The following BLTP1 variants were observed in gnomAD, a reference collection of about 807,000 sequenced individuals.
BLTP1 encodes the protein fragile site-associated protein.
the BLTP1 span, chr4:122,227,015 A>T: frequency 1.8e-6 from 1 of 561,484 alleles, no homozygotes; most frequent in Non-Finnish European, 2.7e-6. Context: ...AAAATATGAG[A>T]TAATTATTAA....
chr4:122,190,561 A>G, the BLTP1 span: 25 of 684,016 alleles, frequency 3.7e-5, no homozygotes, highest in Non-Finnish European at 4.5e-5. Flanking sequence ...CAAAACTTGA[A>G]TATTAGTTTA....
the BLTP1 span, chr4:122,180,130 C>A: frequency 2.0e-6 from 2 of 985,008 alleles, no homozygotes; most frequent in Non-Finnish European, 2.4e-6. Context: ...TCTTCAGGAA[C>A]TGGACAAAGG....
chr4:122,343,818 C>A, the BLTP1 span: 1 of 499,528 alleles, frequency 2.0e-6, no homozygotes, highest in Non-Finnish European at 2.6e-6. Context: ...TTTTAAAATT[C>A]AGAATATTTT....
chr4:122,309,484 A>G, the BLTP1 span: 5 of 1,606,580 alleles, frequency 3.1e-6, no homozygotes, highest in East Asian at 2.2e-5. Context: ...TTTTATTTCT[A>G]TATACAGTTT....
the BLTP1 span, chr4:122,277,730 A>G: frequency 1.0e-6 from 1 of 983,078 alleles, no homozygotes; most frequent in Non-Finnish European, 1.2e-6. Context: ...CCTCCTTCCT[A>G]TCAATTTCTT....
At chr4:122,153,096 C>A in the BLTP1 span, 1 of 927,064 alleles carries the variant, frequency 1.1e-6, no homozygotes, top group Non-Finnish European at 1.3e-6. Context: ...AGCAGAATTT[C>A]CTATTGGTCA....
chr4:122,216,985 G>A, the BLTP1 span, among the ~76,000 whole-genome samples: 1 of 152,096 alleles, frequency 6.6e-6, no homozygotes, highest in African/African-American at 2.4e-5. Flanking sequence ...CTTGTGGCTT[G>A]CCAGTTATCC....
the BLTP1 span, among the ~76,000 whole-genome samples, chr4:122,202,758 T>C: frequency 1.4e-4 from 21 of 152,084 alleles, no homozygotes; most frequent in Admixed American, 1.2e-3. Flanking sequence ...AGCACTTTCA[T>C]TTACACTATT....
At chr4:122,293,269 C>T in the BLTP1 span, 1 of 646,440 alleles carries the variant, frequency 1.5e-6, no homozygotes, top group Non-Finnish European at 1.9e-6. Flanking sequence ...TAGTCCAGGA[C>T]TCTCACACAG....
At chr4:122,201,037 TATGGAAC>T in the BLTP1 span, 1 of 1,613,370 alleles carries the variant, frequency 6.2e-7, no homozygotes, top group Non-Finnish European at 8.5e-7. Flanking sequence ...TACCCCCGAA[TATGGAAC>T]ATGCCGCAGA....
chr4:122,194,974 G>T, the BLTP1 span, among the ~76,000 whole-genome samples: 7 of 152,014 alleles, frequency 4.6e-5, no homozygotes, highest in South Asian at 1.5e-3. Context: ...AGCAATATTT[G>T]TCTCCTCAAT....
At chr4:122,284,993 T>A in the BLTP1 span, among the ~76,000 whole-genome samples, 7 of 152,198 alleles carry the variant, frequency 4.6e-5, no homozygotes, top group Admixed American at 4.6e-4. Context: ...TAGAACTTTC[T>A]ATTACCAGAA....
chr4:122,354,133 T>C, the BLTP1 span: 1 of 898,924 alleles, frequency 1.1e-6, no homozygotes, highest in Non-Finnish European at 1.7e-6. Context: ...CAATTTTCAT[T>C]TTAATCTTGC....
At chr4:122,269,062 C>A in the BLTP1 span, 5 of 949,222 alleles carry the variant, frequency 5.3e-6, no homozygotes, top group Non-Finnish European at 6.3e-6. Flanking sequence ...AAATCCAGAC[C>A]CAAAACATTA....
chr4:122,359,362 T>C, the BLTP1 span: 4 of 929,712 alleles, frequency 4.3e-6, no homozygotes, highest in South Asian at 5.0e-5. Flanking sequence ...TTATCATTAA[T>C]GTTGACACTG....
the BLTP1 span, chr4:122,190,564 T>A: frequency 1.5e-6 from 1 of 674,854 alleles, no homozygotes; most frequent in South Asian, 6.7e-5. Flanking sequence ...AACTTGAATA[T>A]TAGTTTAGTA....
At chr4:122,154,868 T>C in the BLTP1 span, 1 of 644,262 alleles carries the variant, frequency 1.6e-6, no homozygotes, top group African/African-American at 2.0e-5. Flanking sequence ...CGAGACTCCA[T>C]CTCAAAAAAC....
At chr4:122,315,472 T>C in the BLTP1 span, 1 of 1,614,048 alleles carries the variant, frequency 6.2e-7, no homozygotes, top group East Asian at 2.2e-5. Context: ...AAAGCAGTAG[T>C]GCTGGAACCT....
At chr4:122,349,893 T>C in the BLTP1 span, 1 of 1,613,692 alleles carries the variant, frequency 6.2e-7, no homozygotes, top group Non-Finnish European at 8.5e-7. This position sits in a 1 kb window ranked among gnomAD's most constrained non-coding sequence, Gnocchi z 4.5. Context: ...AGTGGGATAT[T>C]TTCCAAGTAA....
Sources: allele counts gnomAD v4.1 joint callset (sites outside exome capture counted in the v4.1 genomes callset), GRCh38; gene constraint gnomAD v4.1.1; non-coding constraint Gnocchi (gnomAD v3.1); transcripts MANE v1.5; gene names NCBI Gene and HGNC (gene_info 2026-07-23, HGNC 2026-07-21).